BSPRY: variants seen among roughly 807,000 people sequenced by gnomAD.
BSPRY encodes the protein B box and SPRY domain-containing protein.
Under a neutral mutation model 38.0 loss-of-function variants are expected in BSPRY, and 33 were observed. That is an observed-to-expected ratio of 0.87 (90% CI 0.66 to 1.16). The LOEUF is 1.16. Among genes scored for constraint, BSPRY ranks in the 50% most tolerant of loss-of-function variants. The pLI is 0.00. For synonymous variants in BSPRY, 224 were observed against 228.5 expected (o/e 0.98, Z 0.18); for missense variants, 523 against 533.2 (o/e 0.98, Z 0.19).
In BSPRY at chr9:113,369,604, T is replaced by C; in HGVS notation, c.683-12T>C. 1 of 1,592,198 alleles carries C rather than the reference T, an allele frequency of 6.3e-7. No individual in the cohort carries two copies. Among genetic ancestry groups the C allele is most frequent in the Non-Finnish European group, 8.6e-7 (1 of 1,167,418 alleles). On this transcript the variant is annotated splice_polypyrimidine_tract_variant and intron_variant, in intron 5 of 5. Coordinates refer to ENST00000374183, the MANE Select transcript of BSPRY (RefSeq NM_017688.3). ...GTGGGCCCTCGGCAACTCTGAGAAT[T>C]CTTTCTGGCAGGCACAGAGGACATA...
intron 4 of BSPRY, among the ~76,000 whole-genome samples, chr9:113,362,755 A>AC (rs772356898): frequency 4.6e-5 from 7 of 152,332 alleles, no homozygotes; most frequent in Admixed American, 3.3e-4. Flanking sequence ...CAGGGGTTGG[A>AC]CCCATCTAAC....
In BSPRY at chr9:113,368,297, C is replaced by T. The variant is rs766979338; in HGVS notation, c.596C>T (p.Ser199Leu). Residue 199 changes from serine (S) to leucine (L), a missense_variant, in exon 5 of 6, where the codon TCG becomes TTG. Ser to Leu is a moderately radical substitution (Grantham distance 145). Transcript: ENST00000374183. ...GAGGGCATTTTGGATCCCCAGGAGT[C>T]GGAAATGTTAAACTTTAATGAGAAG... Reference protein sequence around the residue: ...EAEGILDPQESEMLNFNEKCT... With the variant: ...EAEGILDPQELEMLNFNEKCT... The T allele has an allele frequency of 1.9e-6, 3 of 1,614,094 alleles. No homozygotes were observed. The highest frequency in any genetic ancestry group is 1.1e-5 in the South Asian group (1 of 91,080).
At chr9:113,363,876 C>CAAAAAAAAAAAA (rs57026104) in intron 4 of BSPRY, among the ~76,000 whole-genome samples, 1 of 37,540 alleles carries the variant, frequency 2.7e-5, no homozygotes, top group Non-Finnish European at 5.1e-5. Flanking sequence ...GACTCCACCT[C>CAAAAAAAAAAAA]AAAAAAAAAA....
Position 113,355,442 on chromosome 9 carries a change from A to T in BSPRY, c.300+1104A>T, listed in dbSNP as rs142800670. On this transcript the variant is annotated intron_variant, in intron 2 of 5. Coordinates refer to ENST00000374183, the MANE Select transcript of BSPRY (RefSeq NM_017688.3). ...CTAGACCAGGAACCAGAAAGCTGCT[A>T]GGAGTCCAGGCAGCTACTTGGTGCC... Among the ~76,000 whole-genome samples, 6 of 152,316 alleles carry T rather than the reference A, an allele frequency of 3.9e-5. No homozygotes were observed. The East Asian group carries it at 1.2e-3, about 29-fold the overall frequency.
chr9:113,366,791 A>G (rs1247334950), intron 4 of BSPRY, among the ~76,000 whole-genome samples: 1 of 152,238 alleles, frequency 6.6e-6, no homozygotes, highest in Non-Finnish European at 1.5e-5. Context: ...GCTTGCTCCC[A>G]GCATTTCTAA....
At chr9:113,352,504 G>A (rs138243584) in intron 1 of BSPRY, among the ~76,000 whole-genome samples, 1 of 66,100 alleles carries the variant, frequency 1.5e-5, no homozygotes, top group Non-Finnish European at 3.5e-5. Context: ...CACACACACA[G>A]ACTGGTGGAA....
chr9:113,365,281 T>G (rs1454218309), intron 4 of BSPRY, among the ~76,000 whole-genome samples: 1 of 152,212 alleles, frequency 6.6e-6, no homozygotes, highest in Non-Finnish European at 1.5e-5. Flanking sequence ...TCCCAATAGT[T>G]TTAGCATCCA....
intron 2 of BSPRY, among the ~76,000 whole-genome samples, chr9:113,355,700 C>T (rs917241357): frequency 7.2e-5 from 11 of 151,768 alleles, no homozygotes; most frequent in African/African-American, 1.7e-4. Flanking sequence ...CTGAAACCTC[C>T]GTCTCCTGGG....
intron 4 of BSPRY, 61 bp downstream of exon 4, chr9:113,362,455 T>G (rs890242288): frequency 1.3e-6 from 2 of 1,533,584 alleles, no homozygotes; most frequent in African/African-American, 2.7e-5. Flanking sequence ...CTCTTCACAC[T>G]CCACTGCCTT....
Position 113,370,406 on chromosome 9 carries a change from G to T in BSPRY, c.*264G>T. 3.4e-6 allele frequency: 1 copy of T among 298,066 alleles called. No individual in the cohort carries two copies. Among genetic ancestry groups the T allele is most frequent in the Non-Finnish European group, 5.9e-6 (1 of 169,188 alleles). The allele number at this position is 298,066 out of a possible 1,614,324, so 18.5% of individuals were successfully genotyped here. A position where few individuals can be genotyped will look rare whatever the true frequency, so the allele number is the denominator to read the frequency against. ...ATAAAATACACTAACGATAGCTGAT[G>T]AGCTAAAAAAAAAAAAAAAGTCTGT... On this transcript the variant is annotated 3_prime_UTR_variant, in exon 6 of 6. Transcript: ENST00000374183. The surrounding 1 kb of genome is among the most constrained non-coding windows in gnomAD (Gnocchi z 4.8).
intron 4 of BSPRY, among the ~76,000 whole-genome samples, chr9:113,363,298 C>T (rs934495352): frequency 5.3e-5 from 8 of 149,874 alleles, no homozygotes; most frequent in Non-Finnish European, 1.2e-4. Context: ...AAAAATTAGC[C>T]ATGCTTCGTG....
Position 113,360,566 on chromosome 9 carries a change from T to C in BSPRY, c.360T>C (p.Leu120=). The part of the protein sequence containing the change: ...VIQRLSLVRS[L]CESEEQRLLE... ...AGCGGTTGAGTCTGGTGAGGAGTCT[T>C]TGCGAGAGCGAGGAGCAGCGGTTAC... The change falls in exon 3 of 6, where the codon CTT becomes CTC. Residue 120 remains leucine (L), a synonymous_variant. Coordinates refer to ENST00000374183, the MANE Select transcript of BSPRY (RefSeq NM_017688.3). 1 of 1,608,126 alleles carries C rather than the reference T, an allele frequency of 6.2e-7. No individual in the cohort carries two copies.
chr9:113,353,538 A>G (rs555375218), intron 1 of BSPRY, among the ~76,000 whole-genome samples: 1 of 151,788 alleles, frequency 6.6e-6, no homozygotes, highest in Admixed American at 6.5e-5. Flanking sequence ...CCCTGTCTCT[A>G]CTAAAAATAC....
intron 4 of BSPRY, among the ~76,000 whole-genome samples, chr9:113,363,051 A>G (rs907276289): frequency 6.6e-6 from 1 of 152,144 alleles, no homozygotes; most frequent in Admixed American, 6.5e-5. Context: ...ATTTTTCTGT[A>G]TTTCAATGGG....
In BSPRY at chr9:113,370,305, C is replaced by A; in HGVS notation, c.*163C>A. Reference sequence around the variant, plus strand: ...GATGGGGATCTGTTTCAGATCTAGGCATAACCTGTAAATCACAGGTGTCCA... The same window carrying A: ...GATGGGGATCTGTTTCAGATCTAGGAATAACCTGTAAATCACAGGTGTCCA... On this transcript the variant is annotated 3_prime_UTR_variant, in exon 6 of 6. Transcript: ENST00000374183. This position sits in a 1 kb window ranked among gnomAD's most constrained non-coding sequence, Gnocchi z 4.8. 1 of 802,554 alleles carries A rather than the reference C, an allele frequency of 1.2e-6. No individual in the cohort carries two copies. The highest frequency in any genetic ancestry group is 2.9e-5 in the South Asian group (1 of 34,856). 49.7% of individuals were successfully genotyped at this position (802,554 alleles called of 1,614,324 possible).
chr9:113,366,743 C>G (rs1834260170), intron 4 of BSPRY, among the ~76,000 whole-genome samples: 1 of 152,242 alleles, frequency 6.6e-6, no homozygotes, highest in South Asian at 2.1e-4. Flanking sequence ...GCAATAGACC[C>G]TCTGTTGTCC....
chr9:113,359,316 C>T (rs1834113499), intron 2 of BSPRY, among the ~76,000 whole-genome samples: 1 of 152,228 alleles, frequency 6.6e-6, no homozygotes, highest in South Asian at 2.1e-4. Flanking sequence ...TTCCTGACCA[C>T]TATGTTATGT....
chr9:113,360,750 A>T lies in BSPRY; in HGVS notation c.531+13A>T, dbSNP rs567901122. ...CCTCCAGCTGATTGTAAGTCAGGCA[A>T]GGGTGAGGGCATGACCAGTTGGCCA... is the stretch of plus-strand genomic sequence containing the variant. On this transcript the variant is annotated intron_variant, in intron 3 of 5. Coordinates refer to ENST00000374183, the MANE Select transcript of BSPRY (RefSeq NM_017688.3). 68 of 1,564,554 alleles carry T rather than the reference A, an allele frequency of 4.3e-5. No individual in the cohort carries two copies. The South Asian group carries it at 7.1e-4, about 16-fold the overall frequency.
intron 4 of BSPRY, among the ~76,000 whole-genome samples, chr9:113,364,459 TAC>T (rs1169652000): frequency 6.6e-6 from 1 of 152,200 alleles, no homozygotes; most frequent in Non-Finnish European, 1.5e-5. Context: ...CTTCCTTTAA[TAC>T]AGTGTGTCCT....
Sources: allele counts gnomAD v4.1 joint callset (sites outside exome capture counted in the v4.1 genomes callset), GRCh38; gene constraint gnomAD v4.1.1; non-coding constraint Gnocchi (gnomAD v3.1); transcripts MANE v1.5; gene names NCBI Gene and HGNC (gene_info 2026-07-23, HGNC 2026-07-21).